Variants in GPHN observed in about 807,000 individuals in gnomAD.
GPHN encodes the protein gephyrin.
Under a neutral mutation model 95.5 loss-of-function variants are expected in GPHN, and 17 were observed. The observed-to-expected ratio is 0.18, with a 90% CI of 0.12 to 0.27. The LOEUF (loss-of-function observed/expected upper bound fraction) is 0.27. Ranked by LOEUF, GPHN falls within the 10% of genes least tolerant of loss-of-function variation. GPHN has a pLI of 1.00. For synonymous variants in GPHN, 320 were observed against 322.5 expected (o/e 0.99, Z 0.08); for missense variants, 660 against 978.1 (o/e 0.67, Z 4.34).
chr14:67,273,002 T>G, the GPHN span, among the ~76,000 whole-genome samples: 1 of 149,916 alleles, frequency 6.7e-6, no homozygotes, highest in African/African-American at 2.5e-5. Flanking sequence ...TGAAAACAAC[T>G]TCTTCATTCT....
chr14:67,596,844 C>G, the GPHN span, among the ~76,000 whole-genome samples: 1 of 152,214 alleles, frequency 6.6e-6, no homozygotes, highest in African/African-American at 2.4e-5. Flanking sequence ...TATAAATCTC[C>G]ACTTGTCCAT....
intron 16 of GPHN, among the ~76,000 whole-genome samples, chr14:67,119,935 G>T (rs950983371): frequency 1.3e-5 from 2 of 152,124 alleles, no homozygotes; most frequent in African/African-American, 2.4e-5. Flanking sequence ...TTCAAGACCA[G>T]CCTGGCCAAC....
At chr14:67,361,338 C>G in the GPHN span, among the ~76,000 whole-genome samples, 9 of 152,186 alleles carry the variant, frequency 5.9e-5, no homozygotes, top group Non-Finnish European at 1.3e-4. Context: ...TTGTACAGAA[C>G]TTTGCTACCT....
At chr14:67,158,027 C>G (rs1435670793) in intron 18 of GPHN, among the ~76,000 whole-genome samples, 1 of 151,858 alleles carries the variant, frequency 6.6e-6, no homozygotes, top group South Asian at 2.1e-4. Flanking sequence ...GATGATATGG[C>G]CTGGTGCAGT....
intron 3 of GPHN, among the ~76,000 whole-genome samples, chr14:66,814,215 C>T (rs904767887): frequency 2.0e-5 from 3 of 152,052 alleles, no homozygotes; most frequent in Non-Finnish European, 4.4e-5. Flanking sequence ...CAGATCATCC[C>T]ACACCCTGAA....
intron 5 of GPHN, among the ~76,000 whole-genome samples, chr14:66,886,948 C>T (rs1046875941): frequency 6.6e-6 from 1 of 152,144 alleles, no homozygotes; most frequent in African/African-American, 2.4e-5. Context: ...AACTCAGTCG[C>T]TACAATTTTG....
At chr14:67,404,439 A>G in the GPHN span, among the ~76,000 whole-genome samples, 2 of 152,064 alleles carry the variant, frequency 1.3e-5, no homozygotes, top group African/African-American at 4.8e-5. Flanking sequence ...CCTGGGCAAC[A>G]TAGTGAGACC....
the GPHN span, chr14:67,383,696 T>C: frequency 2.5e-6 from 1 of 404,550 alleles, no homozygotes; most frequent in Non-Finnish European, 4.6e-6. Context: ...TAAGAATAGT[T>C]CTAAAATTGG....
chr14:66,804,759 T>C (rs1448501864), intron 3 of GPHN, among the ~76,000 whole-genome samples: 1 of 152,210 alleles, frequency 6.6e-6, no homozygotes, highest in Non-Finnish European at 1.5e-5. Flanking sequence ...ATTTCTGCAA[T>C]TATCTGATAT....
chr14:66,748,819 C>T (rs2058259555), intron 2 of GPHN, among the ~76,000 whole-genome samples: 1 of 151,862 alleles, frequency 6.6e-6, no homozygotes, highest in Non-Finnish European at 1.5e-5. Context: ...GCAAAGTTTG[C>T]CTAAAACGAA....
At chr14:67,539,078 T>C in the GPHN span, among the ~76,000 whole-genome samples, 1 of 152,190 alleles carries the variant, frequency 6.6e-6, no homozygotes, top group Non-Finnish European at 1.5e-5. Flanking sequence ...TACTGTTATT[T>C]CTTAGCCCTG....
At chr14:67,451,943 A>G in the GPHN span, among the ~76,000 whole-genome samples, 1 of 152,116 alleles carries the variant, frequency 6.6e-6, no homozygotes, top group South Asian at 2.1e-4. Flanking sequence ...TTGTGGGAGG[A>G]ACCTGGTGAG....
At chr14:67,697,050 G>C in the GPHN span, among the ~76,000 whole-genome samples, 1 of 152,102 alleles carries the variant, frequency 6.6e-6, no homozygotes, top group Non-Finnish European at 1.5e-5. Flanking sequence ...CCTTTCATTT[G>C]TTTTGTTCCT....
At chr14:66,667,891 A>T (rs188090343) in intron 1 of GPHN, among the ~76,000 whole-genome samples, 1 of 152,356 alleles carries the variant, frequency 6.6e-6, no homozygotes, top group East Asian at 1.9e-4. Flanking sequence ...CAAACTATGC[A>T]TCTGACAAAG....
intron 4 of GPHN, among the ~76,000 whole-genome samples, chr14:66,844,601 A>T (rs984021267): frequency 1.3e-5 from 2 of 152,140 alleles, no homozygotes; most frequent in Non-Finnish European, 2.9e-5. Context: ...AGATTTAGGG[A>T]TACGGAAAAA....
At chr14:67,636,709 A>G in the GPHN span, among the ~76,000 whole-genome samples, 1 of 152,270 alleles carries the variant, frequency 6.6e-6, no homozygotes, top group African/African-American at 2.4e-5. Flanking sequence ...CTGAAAGATC[A>G]GAGTAGTACT....
At chr14:66,672,892 G>A (rs1175930287) in intron 1 of GPHN, among the ~76,000 whole-genome samples, 1 of 151,920 alleles carries the variant, frequency 6.6e-6, no homozygotes, top group Non-Finnish European at 1.5e-5. Context: ...GGTGCATTCG[G>A]ACCATTGACA....
chr14:67,557,172 G>T, the GPHN span: 1 of 970,428 alleles, frequency 1.0e-6, no homozygotes. Context: ...GGGAGTCACA[G>T]CCTGGGGCAT....
chr14:67,500,862 C>T, the GPHN span, among the ~76,000 whole-genome samples: 3 of 151,900 alleles, frequency 2.0e-5, no homozygotes, highest in Non-Finnish European at 2.9e-5. Context: ...TGAGCCACCG[C>T]GCCTGGCCTG....
Sources: gnomAD v4.1 joint callset for allele counts (sites outside exome capture counted in the v4.1 genomes callset) on GRCh38, gnomAD v4.1.1 for gene constraint, MANE v1.5 for transcripts, NCBI Gene and HGNC (gene_info 2026-07-23, HGNC 2026-07-21) for gene names.